The following SAXO5 variants were observed in gnomAD, a reference collection of about 807,000 sequenced individuals.
The protein encoded by SAXO5 is testis expressed 45.
chr19:7,506,240 TG>T, the SAXO5 span: 1 of 481,816 alleles, frequency 2.1e-6, no homozygotes, highest in Non-Finnish European at 2.6e-6. Flanking sequence ...CCCGCCCCCA[TG>T]GAGCCCCTCC....
At chr19:7,499,283 G>GTGAGT in the SAXO5 span, among the ~76,000 whole-genome samples, 2 of 150,448 alleles carry the variant, frequency 1.3e-5, no homozygotes, top group African/African-American at 4.9e-5. Flanking sequence ...CTGTACTCCA[G>GTGAGT]CCTGGGGGAC....
chr19:7,504,336 A>T, the SAXO5 span: 1 of 1,614,130 alleles, frequency 6.2e-7, no homozygotes, highest in Non-Finnish European at 8.5e-7. Context: ...GAGCTGGGAG[A>T]CTGCAAGATC....
the SAXO5 span, chr19:7,508,413 TGC>T: frequency 1.8e-5 from 29 of 1,610,068 alleles, no homozygotes; most frequent in African/African-American, 8.0e-5. Flanking sequence ...TATGTACCTG[TGC>T]CCCAGCCAGC....
chr19:7,508,077 C>T, the SAXO5 span: 1 of 699,468 alleles, frequency 1.4e-6, no homozygotes, highest in Non-Finnish European at 2.4e-6. Flanking sequence ...ACTGGCTCCG[C>T]CCCGACCAGC....
the SAXO5 span, chr19:7,504,422 G>A: frequency 6.2e-7 from 1 of 1,606,326 alleles, no homozygotes; most frequent in Non-Finnish European, 8.5e-7. Flanking sequence ...GTATAAAGGG[G>A]CCACTGCGGG....
At chr19:7,504,010 T>C in the SAXO5 span, 7 of 717,840 alleles carry the variant, frequency 9.8e-6, 1 homozygote, top group South Asian at 1.2e-4. Context: ...CTGTTCAGAA[T>C]GGCCCAGCTC....
the SAXO5 span, chr19:7,506,231 C>T: frequency 2.2e-4 from 302 of 1,363,276 alleles, no homozygotes; most frequent in Non-Finnish European, 2.7e-4. Flanking sequence ...CCCGAAAGCC[C>T]CGCCCCCATG....
the SAXO5 span, chr19:7,504,226 T>C: frequency 1.9e-6 from 3 of 1,613,850 alleles, no homozygotes; most frequent in Non-Finnish European, 1.7e-6. Context: ...TGTAAGAGGG[T>C]AAATTGAGGC....
chr19:7,503,710 C>G, the SAXO5 span, among the ~76,000 whole-genome samples: 1 of 152,132 alleles, frequency 6.6e-6, no homozygotes, highest in African/African-American at 2.4e-5. Flanking sequence ...GTCTTGAACT[C>G]CTGACCTCAG....
the SAXO5 span, chr19:7,505,577 G>T: frequency 6.2e-7 from 1 of 1,614,192 alleles, no homozygotes; most frequent in South Asian, 1.1e-5. Flanking sequence ...GGAAATTGGT[G>T]CCCCGGCCCC....
At chr19:7,498,178 C>T in the SAXO5 span, among the ~76,000 whole-genome samples, 34 of 121,010 alleles carry the variant, frequency 2.8e-4, no homozygotes, top group South Asian at 7.5e-4. Flanking sequence ...CATACACACA[C>T]ACACACACAC....
chr19:7,506,792 T>A, the SAXO5 span: 4 of 372,228 alleles, frequency 1.1e-5, no homozygotes, highest in Non-Finnish European at 1.0e-5. Context: ...CCCTGGCTCC[T>A]TCCTCCTCCC....
At chr19:7,499,944 G>GTGTGTGTGTGTGTGTGTGTA in the SAXO5 span, 2,928 of 148,072 alleles carry the variant, frequency 0.02, 100 homozygotes, top group East Asian at 0.16. Context: ...GTGTGTGTGT[G>GTGTGTGTGTGTGTGTGTGTA]TGTGTGTGTG....
chr19:7,506,636 C>T, the SAXO5 span: 1 of 355,102 alleles, frequency 2.8e-6, no homozygotes, highest in East Asian at 7.9e-5. Flanking sequence ...GCCCTATGCC[C>T]TAGCTCTGGG....
the SAXO5 span, chr19:7,504,283 G>C: frequency 6.2e-7 from 1 of 1,613,740 alleles, no homozygotes; most frequent in African/African-American, 1.3e-5. Context: ...TGGGTGGTTT[G>C]GGCCTTCCTA....
the SAXO5 span, chr19:7,505,577 G>A: frequency 1.2e-6 from 2 of 1,614,192 alleles, no homozygotes; most frequent in Non-Finnish European, 1.7e-6. Context: ...GGAAATTGGT[G>A]CCCCGGCCCC....
the SAXO5 span, among the ~76,000 whole-genome samples, chr19:7,500,635 C>T: frequency 6.6e-6 from 1 of 152,200 alleles, no homozygotes; most frequent in Non-Finnish European, 1.5e-5. Flanking sequence ...TCTGCTCTCG[C>T]TGGGGGAAGG....
At chr19:7,501,500 A>G in the SAXO5 span, 1 of 1,291,676 alleles carries the variant, frequency 7.7e-7, no homozygotes, top group Non-Finnish European at 1.0e-6. Context: ...AACATTTGGC[A>G]ATGTCTGGAA....
At chr19:7,501,021 T>C in the SAXO5 span, 1 of 1,526,554 alleles carries the variant, frequency 6.6e-7, no homozygotes, top group South Asian at 1.2e-5. Flanking sequence ...CGCGCTGCTT[T>C]TCCCAATGGA....
Sources: gnomAD v4.1 joint callset for allele counts (sites outside exome capture counted in the v4.1 genomes callset) on GRCh38, gnomAD v4.1.1 for gene constraint, MANE v1.5 for transcripts, NCBI Gene and HGNC (gene_info 2026-07-23, HGNC 2026-07-21) for gene names.